ATP11A: variants seen among roughly 807,000 people sequenced by gnomAD.
ATP11A encodes the protein ATPase phospholipid transporting 11A.
A neutral mutation model predicts 154.4 loss-of-function variants in ATP11A; 81 were observed. That is an observed-to-expected ratio of 0.52 (90% CI 0.44 to 0.63). The LOEUF (loss-of-function observed/expected upper bound fraction) is 0.63, where lower values mean the gene tolerates loss of function less well. ATP11A is among the 30% of genes least tolerant of loss of function. The pLI is 0.00. For missense variants in ATP11A, 1,316 were observed against 1,474.3 expected, an observed-to-expected ratio of 0.89 and a Z score of 1.76; for synonymous variants, 623 against 585.9, an observed-to-expected ratio of 1.06 and a Z score of -0.91.
chr13:112,876,041 A>G (rs776534265), intron 28 of ATP11A, 100 bp downstream of exon 28: 245 of 1,376,654 alleles, frequency 1.8e-4, no homozygotes, highest in Non-Finnish European at 2.4e-4. Flanking sequence ...TTTGGATTTC[A>G]TGAAACGTGA....
chr13:112,757,791 TC>T (rs2076875566), intron 1 of ATP11A, among the ~76,000 whole-genome samples: 2 of 152,254 alleles, frequency 1.3e-5, no homozygotes, highest in Non-Finnish European at 2.9e-5. Flanking sequence ...ACGTCTTTCT[TC>T]CTGATTGTCT....
chr13:112,792,512 A>G (rs1005080576), intron 2 of ATP11A, among the ~76,000 whole-genome samples: 5 of 152,244 alleles, frequency 3.3e-5, no homozygotes, highest in African/African-American at 9.6e-5. Context: ...GTTTGCTTTT[A>G]TGAAATCAAA....
chr13:112,775,719 C>CA (rs2077332640), intron 1 of ATP11A, among the ~76,000 whole-genome samples: 2 of 152,134 alleles, frequency 1.3e-5, no homozygotes, highest in Admixed American at 1.3e-4. Context: ...AATGCCCCCC[C>CA]CGCCTGTAAG....
At chr13:112,782,503 A>G (rs1411397934) in intron 1 of ATP11A, among the ~76,000 whole-genome samples, 3 of 152,236 alleles carry the variant, frequency 2.0e-5, no homozygotes, top group African/African-American at 7.2e-5. Context: ...AGAAGCATCT[A>G]TTTGGCTATG....
intron 17 of ATP11A, among the ~76,000 whole-genome samples, chr13:112,849,856 C>T (rs1004344036): frequency 6.6e-6 from 1 of 152,202 alleles, no homozygotes; most frequent in Non-Finnish European, 1.5e-5. Context: ...GGCTGAGCAG[C>T]GTCTGTTCAG....
At chr13:112,865,068 G>C (rs2080277682) in intron 25 of ATP11A, among the ~76,000 whole-genome samples, 1 of 130,024 alleles carries the variant, frequency 7.7e-6, no homozygotes, top group African/African-American at 2.9e-5. Flanking sequence ...TTCCCAGCGG[G>C]ATCCATCACC....
rs117032087 is a variant in ATP11A at position 112,793,093 on chromosome 13, C to T, written c.162+7836C>T. Among the ~76,000 whole-genome samples, 90 of 152,308 alleles carry T rather than the reference C, an allele frequency of 5.9e-4. No individual in the cohort carries two copies. In the East Asian group the frequency reaches 0.017, roughly 29 times the overall value. On this transcript the variant is annotated intron_variant, in intron 2 of 29. Coordinates refer to ENST00000375645, the MANE Select transcript of ATP11A (RefSeq NM_015205.3). ...CCAATACTGATTATTACCAATGTAT[C>T]CATGAGGAAGCTGAGGCTTAGAGCT...
intron 4 of ATP11A, among the ~76,000 whole-genome samples, chr13:112,808,986 C>T (rs952944840): frequency 3.9e-5 from 6 of 152,316 alleles, no homozygotes; most frequent in East Asian, 1.9e-4. Context: ...GCAGCCCGGG[C>T]GCTAGGCTTT....
chr13:112,708,503 A>G (rs1229536729), intron 1 of ATP11A, among the ~76,000 whole-genome samples: 2 of 152,250 alleles, frequency 1.3e-5, no homozygotes, highest in African/African-American at 2.4e-5. Context: ...TAGAAACCCT[A>G]TTTGTCAGGT....
intron 1 of ATP11A, among the ~76,000 whole-genome samples, chr13:112,750,089 C>CT (rs1313755370): frequency 1.6e-4 from 1 of 6,154 alleles, no homozygotes; most frequent in African/African-American, 1.5e-3. Flanking sequence ...GGTTGAGTCC[C>CT]CTTCAGCCTC....
intron 1 of ATP11A, among the ~76,000 whole-genome samples, chr13:112,780,536 G>A (rs1314665089): frequency 2.0e-5 from 3 of 152,310 alleles, no homozygotes; most frequent in East Asian, 1.9e-4. Flanking sequence ...CAGTGGACGC[G>A]CGTTTGGAGG....
At chr13:112,839,511 C>T (rs534502167) in intron 16 of ATP11A, among the ~76,000 whole-genome samples, 1 of 152,266 alleles carries the variant, frequency 6.6e-6, no homozygotes, top group South Asian at 2.1e-4. Flanking sequence ...TTCTATAGCC[C>T]TTTCTCTTCT....
chr13:112,778,208 C>T (rs2077394889), intron 1 of ATP11A, among the ~76,000 whole-genome samples: 1 of 152,254 alleles, frequency 6.6e-6, no homozygotes, highest in African/African-American at 2.4e-5. Flanking sequence ...CCGGAGGCCC[C>T]AAGGCCTTGC....
At chr13:112,751,738 CCCT>C (rs1421810827) in intron 1 of ATP11A, among the ~76,000 whole-genome samples, 1 of 151,972 alleles carries the variant, frequency 6.6e-6, no homozygotes, top group Non-Finnish European at 1.5e-5. Context: ...AATCCCCCCC[CCCT>C]TTTTTTGAGA....
Position 112,882,538 on chromosome 13 carries a change from C to G in ATP11A, c.*672C>G, listed in dbSNP as rs79824403. ...GATACCATCATCCCTGCGGATGCACCGCCGTACCCTGCTCATCTGGGAGTG... is the reference window on the plus strand; with the variant it reads ...GATACCATCATCCCTGCGGATGCACGGCCGTACCCTGCTCATCTGGGAGTG... On this transcript the variant is annotated 3_prime_UTR_variant, in exon 30 of 30. Coordinates refer to ENST00000375645, the MANE Select transcript of ATP11A (RefSeq NM_015205.3). This position sits in a 1 kb window ranked among gnomAD's most constrained non-coding sequence, Gnocchi z 5.1. 2.3e-6 allele frequency: 1 copy of G among 429,780 alleles called. No homozygotes were observed. Among genetic ancestry groups the G allele is most frequent in the Admixed American group, 4.0e-5 (1 of 25,272 alleles). The allele number at this position is 429,780 out of a possible 1,614,324, so 26.6% of individuals were successfully genotyped here.
At position 112,880,462 on chromosome 13, in the gene ATP11A, C is replaced by T. The variant is rs975944443; in HGVS notation, c.*10-1414C>T. ...CTTCGAGCCTCTTCCTGCTGGGGTC[C>T]CACGGATGGTGCAGGCAGAGGCCCG... On this transcript the variant is annotated intron_variant, in intron 29 of 29. Transcript: ENST00000375645. 20 of 1,135,528 alleles carry T rather than the reference C, an allele frequency of 1.8e-5. No homozygotes were observed. In the African/African-American group the frequency reaches 2.6e-4, roughly 15 times the overall value. 70.3% of individuals were successfully genotyped at this position (1,135,528 alleles called of 1,614,324 possible). A position where few individuals can be genotyped will look rare whatever the true frequency, so the allele number is the denominator to read the frequency against.
intron 1 of ATP11A, among the ~76,000 whole-genome samples, chr13:112,769,691 A>G (rs1034578084): frequency 6.6e-6 from 1 of 152,198 alleles, no homozygotes; most frequent in African/African-American, 2.4e-5. Context: ...AGTCTAAGGG[A>G]AAGCTGCCGA....
Position 112,876,083 on chromosome 13 carries a change from C to T in ATP11A, c.3327+142C>T, listed in dbSNP as rs910199340. 2.5e-5 allele frequency: 22 copies of T among 883,890 alleles called. No homozygotes were observed. The Admixed American group carries it at 4.1e-4, about 16-fold the overall frequency. 54.8% of individuals were successfully genotyped at this position (883,890 alleles called of 1,614,324 possible). A position where few individuals can be genotyped will look rare whatever the true frequency, so the allele number is the denominator to read the frequency against. On this transcript the variant is annotated intron_variant, in intron 28 of 29. Coordinates refer to ENST00000375645, the MANE Select transcript of ATP11A (RefSeq NM_015205.3). ...CAGGTATCACTAATGAGTGTCCTGA[C>T]GGTGCATGATGTTAAACATCAGGTA...
intron 1 of ATP11A, among the ~76,000 whole-genome samples, chr13:112,708,027 ACAAAGCC>A (rs1217979698): frequency 6.6e-6 from 1 of 152,218 alleles, no homozygotes; most frequent in Non-Finnish European, 1.5e-5. Context: ...CTTCTCCATG[ACAAAGCC>A]CAACCGCACG....
Sources: allele counts gnomAD v4.1 joint callset (sites outside exome capture counted in the v4.1 genomes callset), GRCh38; gene constraint gnomAD v4.1.1; non-coding constraint Gnocchi (gnomAD v3.1); transcripts MANE v1.5; gene names NCBI Gene and HGNC (gene_info 2026-07-23, HGNC 2026-07-21).